Variants in TREH observed in about 807,000 individuals in gnomAD.
TREH encodes trehalase, also known as alpha,alpha-trehalose glucohydrolase.
Under a neutral mutation model 80.5 loss-of-function variants are expected in TREH, and 69 were observed. The observed-to-expected ratio is 0.86, with a 90% CI of 0.71 to 1.05. The LOEUF (loss-of-function observed/expected upper bound fraction) is 1.05. TREH is among the 50% of genes least tolerant of loss of function. The pLI is 0.00. For synonymous variants in TREH, 309 were observed against 293.5 expected, an observed-to-expected ratio of 1.05 and a Z score of -0.54; for missense variants, 716 against 718.8, an observed-to-expected ratio of 1.00 and a Z score of 0.04.
intron 11 of TREH, 87 bp downstream of exon 11, chr11:118,659,660 G>A (rs1949288997): frequency 6.7e-7 from 1 of 1,484,890 alleles, no homozygotes; most frequent in African/African-American, 1.4e-5. Context: ...ATAGCCGGAG[G>A]AAGCGCCCTC....
At chr11:118,659,534 A>G in intron 11 of TREH, 53 bp from the exon 12 acceptor site, 1 of 1,471,866 alleles carries the variant, frequency 6.8e-7, no homozygotes, top group Non-Finnish European at 9.1e-7. Flanking sequence ...ACTGGGAGCC[A>G]GGACAGGACG....
chr11:118,665,566 G>T (rs1054233430), intron 1 of TREH, among the ~76,000 whole-genome samples: 14 of 152,138 alleles, frequency 9.2e-5, no homozygotes, highest in African/African-American at 3.1e-4. Flanking sequence ...CGTGAACCCG[G>T]GAGGCAGAGC....
rs1388270014 is a variant in TREH at position 118,657,621 on chromosome 11, G to A, written c.*668C>T. The A allele has an allele frequency of 2.6e-5, 4 of 153,504 alleles. No individual in the cohort carries two copies. In the East Asian group the frequency reaches 7.7e-4, roughly 29 times the overall value. The allele number at this position is 153,504 out of a possible 1,614,324, so 9.5% of individuals were successfully genotyped here. ...CCCTTCCACTGGTGCCTTGCTTAGAGCCAGAAGGGATGAAGCCGGGGGATC... is the reference window on the plus strand; with the variant it reads ...CCCTTCCACTGGTGCCTTGCTTAGAACCAGAAGGGATGAAGCCGGGGGATC... On this transcript the variant is annotated 3_prime_UTR_variant, in exon 15 of 15. Coordinates refer to ENST00000264029, the MANE Select transcript of TREH (RefSeq NM_007180.3).
chr11:118,674,690 G>A lies in TREH; in HGVS notation c.89+4849C>T, dbSNP rs552319096. Among the ~76,000 whole-genome samples, 27 of 152,166 alleles carry A rather than the reference G, an allele frequency of 1.8e-4. 1 individual carries two copies. Among genetic ancestry groups the A allele is most frequent in the Admixed American group, 8.5e-4 (13 of 15,278 alleles). On this transcript the variant is annotated intron_variant, in intron 1 of 14. Coordinates refer to ENST00000264029, the MANE Select transcript of TREH (RefSeq NM_007180.3). The surrounding 1 kb of genome is among the most constrained non-coding windows in gnomAD (Gnocchi z 4.4). Reference sequence around the variant, plus strand: ...CCTGAGTAGATGGGATTACAGGTGCGCACCACCACACCCGGCTAATTTTGT... The same window carrying A: ...CCTGAGTAGATGGGATTACAGGTGCACACCACCACACCCGGCTAATTTTGT...
At chr11:118,660,958 T>A in intron 8 of TREH, 43 bp from the exon 9 acceptor site, 5 of 1,557,244 alleles carry the variant, frequency 3.2e-6, no homozygotes, top group Non-Finnish European at 4.4e-6. Flanking sequence ...TAGTAGCTAC[T>A]AAGCCCCTCT....
intron 10 of TREH, 61 bp downstream of exon 10, chr11:118,660,478 A>G (rs2137262197): frequency 4.7e-6 from 7 of 1,493,178 alleles, no homozygotes; most frequent in East Asian, 2.5e-5. Context: ...TTCCAGTTCT[A>G]TTGCCAAGCC....
chr11:118,659,723 C>G, intron 11 of TREH, 24 bp downstream of exon 11: 1 of 1,556,730 alleles, frequency 6.4e-7, no homozygotes, highest in Non-Finnish European at 8.7e-7. Context: ...TGCAGTGGAC[C>G]CGAGCCACCT....
chr11:118,658,459 G>A lies in TREH; in HGVS notation c.1600-18C>T, dbSNP rs782378064. On this transcript the variant is annotated intron_variant, in intron 14 of 14. Transcript: ENST00000264029. ...AATCCCTCCTGGGAGAGGCAGGGCAGTGGGGCCAGTTTCTGGGGAAGCCTC... is the reference window on the plus strand; with the variant it reads ...AATCCCTCCTGGGAGAGGCAGGGCAATGGGGCCAGTTTCTGGGGAAGCCTC... 26 of 1,609,268 alleles carry A rather than the reference G, an allele frequency of 1.6e-5. No individual in the cohort carries two copies. The Admixed American group carries it at 3.0e-4, about 19-fold the overall frequency.
intron 1 of TREH, among the ~76,000 whole-genome samples, chr11:118,668,587 A>AG (rs1949401623): frequency 6.6e-6 from 1 of 151,240 alleles, no homozygotes; most frequent in Non-Finnish European, 1.5e-5. Context: ...AAAAAAAAAA[A>AG]AAGATTTTCC....
rs1263689674 is a variant in TREH, at chr11:118,658,281, G to A, written c.*8C>T. On this transcript the variant is annotated 3_prime_UTR_variant, in exon 15 of 15. Coordinates refer to ENST00000264029, the MANE Select transcript of TREH (RefSeq NM_007180.3). ...AGGAGCTGGGGCCAGGTGAGGAGAG[G>A]AGGGCTGTCACCATGGCAGGAGGCT... 4.4e-6 allele frequency: 7 copies of A among 1,581,464 alleles called. No individual in the cohort carries two copies. Among genetic ancestry groups the A allele is most frequent in the African/African-American group, 4.0e-5 (3 of 74,322 alleles).
chr11:118,663,270 T>C, intron 2 of TREH, 69 bp downstream of exon 2: 4 of 1,564,180 alleles, frequency 2.6e-6, no homozygotes, highest in South Asian at 1.2e-5. Flanking sequence ...CCTCTCTACT[T>C]GGTCTTGCCC....
intron 14 of TREH, 81 bp from the exon 15 acceptor site, chr11:118,658,522 GCA>G (rs1160093328): frequency 1.0e-5 from 16 of 1,541,350 alleles, no homozygotes; most frequent in Non-Finnish European, 1.4e-5. Flanking sequence ...CTCCCCAGGG[GCA>G]CTGGCCCTGC....
chr11:118,660,219 T>C (rs1029783782), intron 10 of TREH, among the ~76,000 whole-genome samples: 4 of 152,050 alleles, frequency 2.6e-5, no homozygotes, highest in Non-Finnish European at 4.4e-5. Flanking sequence ...ACTGGCTGGG[T>C]GGATTCCCCT....
rs7950613 is a variant in TREH, at chr11:118,660,011, T to A, written c.1103-47A>T. The A allele has an allele frequency of 1.9e-3, 2,850 of 1,517,168 alleles. 31 individuals carry two copies. The African/African-American group carries it at 0.035, about 19-fold the overall frequency. 94.0% of individuals were successfully genotyped at this position (1,517,168 alleles called of 1,614,324 possible). On this transcript the variant is annotated intron_variant, in intron 10 of 14. Transcript: ENST00000264029. ...AGCCAGCAGCCAGTGCCCTGCCTGC[T>A]GCCCCAGGCTTTTTTCGTGGTTCTA... is the stretch of plus-strand genomic sequence containing the variant.
intron 1 of TREH, among the ~76,000 whole-genome samples, chr11:118,668,773 C>A (rs1164294763): frequency 6.6e-6 from 1 of 151,844 alleles, no homozygotes; most frequent in Non-Finnish European, 1.5e-5. Context: ...AACCCCATCT[C>A]TACTAAAAAT....
intron 1 of TREH, among the ~76,000 whole-genome samples, chr11:118,671,065 C>T (rs1351265346): frequency 1.3e-5 from 2 of 152,086 alleles, no homozygotes; most frequent in Admixed American, 6.5e-5. Context: ...AATGCTTCTC[C>T]TTCAGTCCAC....
chr11:118,662,880 C>A lies in TREH; in HGVS notation c.423+1G>T. The A allele has an allele frequency of 2.5e-6, 4 of 1,580,322 alleles. No individual in the cohort carries two copies. Among genetic ancestry groups the A allele is most frequent in the Non-Finnish European group, 3.4e-6 (4 of 1,162,818 alleles). ...CTTGGGCAGGCCCAGGACGCTGATA[C>A]CTTCTTCCCCAGCTTCTTCCAGAGC... On this transcript the variant is annotated splice_donor_variant, in intron 4 of 14. Transcript: ENST00000264029. LOFTEE classifies it high-confidence loss of function.
intron 2 of TREH, 43 bp from the exon 3 acceptor site, chr11:118,663,239 G>T: frequency 6.4e-7 from 1 of 1,573,082 alleles, no homozygotes; most frequent in Non-Finnish European, 8.6e-7. Flanking sequence ...GGTGTCACAA[G>T]CCACTCCCTA....
chr11:118,662,187 C>T lies in TREH; in HGVS notation c.424-197G>A, dbSNP rs577388416. On this transcript the variant is annotated intron_variant, in intron 4 of 14. Coordinates refer to ENST00000264029, the MANE Select transcript of TREH (RefSeq NM_007180.3). Reference sequence around the variant, plus strand: ...CTTGGGGTCCTCATCCCTCACCTGCCGGCCTTGGGAGTCCCAGCTCAACTT... The same window carrying T: ...CTTGGGGTCCTCATCCCTCACCTGCTGGCCTTGGGAGTCCCAGCTCAACTT... Among the ~76,000 whole-genome samples, 91 of 151,580 alleles carry T rather than the reference C, an allele frequency of 6.0e-4. 1 individual carries two copies. The South Asian group carries it at 0.011, about 19-fold the overall frequency.
Sources: gnomAD v4.1 joint callset for allele counts (sites outside exome capture counted in the v4.1 genomes callset) on GRCh38, gnomAD v4.1.1 for gene constraint, Gnocchi (gnomAD v3.1) non-coding constraint, MANE v1.5 for transcripts, NCBI Gene and HGNC (gene_info 2026-07-23, HGNC 2026-07-21) for gene names.